Variants in MYBL1 observed in about 807,000 individuals in gnomAD.
MYBL1 encodes myb-related protein A.
In MYBL1, 17 loss-of-function variants were observed where a neutral mutation model predicts 96.3. That is an observed-to-expected ratio of 0.18 (90% CI 0.12 to 0.26). The LOEUF (loss-of-function observed/expected upper bound fraction) is 0.26. MYBL1 is among the 10% of genes least tolerant of loss of function. MYBL1 has a pLI of 1.00. For synonymous variants in MYBL1, 282 were observed against 292.7 expected, an observed-to-expected ratio of 0.96 and a Z score of 0.37; for missense variants, 701 against 882.9, an observed-to-expected ratio of 0.79 and a Z score of 2.61.
chr8:66,592,394 A>C (rs918138765), intron 8 of MYBL1, 46 bp downstream of exon 8: 2 of 1,238,932 alleles, frequency 1.6e-6, no homozygotes, highest in Non-Finnish European at 1.2e-6. Flanking sequence ...GACAAAAAGC[A>C]TATATGAAAG....
At chr8:66,576,958 CA>C (rs1808979555) in intron 9 of MYBL1, among the ~76,000 whole-genome samples, 1 of 152,164 alleles carries the variant, frequency 6.6e-6, no homozygotes, top group South Asian at 2.1e-4. Context: ...AGCATATAAA[CA>C]AAACCAAAGA....
rs920510250 is a variant in MYBL1 at position 66,562,817 on chromosome 8, A to G, written c.*1880T>C. On this transcript the variant is annotated 3_prime_UTR_variant, in exon 16 of 16. Coordinates refer to ENST00000522677, the MANE Select transcript of MYBL1 (RefSeq NM_001080416.4). ...GTTCATTAATTAGAAAGCAATCAAC[A>G]TACTTAAACATGCTAAGAGGATTCA... 2 of 152,098 alleles carry G rather than the reference A, an allele frequency of 1.3e-5. No homozygotes were observed. The highest frequency in any genetic ancestry group is 3.9e-4 in the East Asian group (2 of 5,168). 9.4% of individuals were successfully genotyped at this position (152,098 alleles called of 1,614,324 possible).
At position 66,573,393 on chromosome 8, in the gene MYBL1, T is replaced by G; in HGVS notation, c.1584A>C (p.Thr528=). ...CATTTTCCTTTTGATCTTTGGGAGT[T>G]GTTTCCTTATGAAGAGGAGTTGTAA... ...ALITTPLHKE[T]TPKDQKENVG... Residue 528 remains threonine, a synonymous_variant, in exon 11 of 16, where the codon ACA becomes ACC. Coordinates refer to ENST00000522677, the MANE Select transcript of MYBL1 (RefSeq NM_001080416.4). 1 of 1,610,740 alleles carries G rather than the reference T, an allele frequency of 6.2e-7. No individual in the cohort carries two copies. The highest frequency in any genetic ancestry group is 1.1e-5 in the South Asian group (1 of 90,012).
chr8:66,571,609 C>T (rs559795216), intron 12 of MYBL1, among the ~76,000 whole-genome samples: 88 of 152,282 alleles, frequency 5.8e-4, no homozygotes, highest in African/African-American at 2.0e-3. Context: ...CGACAGGGCG[C>T]AGTGGCTCAC....
intron 4 of MYBL1, among the ~76,000 whole-genome samples, chr8:66,597,983 T>G (rs1586591238): frequency 6.6e-6 from 1 of 151,878 alleles, no homozygotes; most frequent in African/African-American, 2.4e-5. Context: ...ACAGATTACA[T>G]ATTCTTTTTT....
chr8:66,593,641 C>G (rs919864373), intron 6 of MYBL1, among the ~76,000 whole-genome samples: 17 of 152,158 alleles, frequency 1.1e-4, no homozygotes, highest in African/African-American at 3.6e-4. Flanking sequence ...CTTTTATCAC[C>G]ACCCCATGCC....
chr8:66,608,796 C>T (rs1810419655), intron 1 of MYBL1, among the ~76,000 whole-genome samples: 1 of 152,054 alleles, frequency 6.6e-6, no homozygotes, highest in Non-Finnish European at 1.5e-5. Context: ...GTTAAATAAA[C>T]CATTCCTAGC....
At chr8:66,568,427 A>G (rs1347127184) in intron 12 of MYBL1, among the ~76,000 whole-genome samples, 1 of 151,652 alleles carries the variant, frequency 6.6e-6, no homozygotes, top group Non-Finnish European at 1.5e-5. Context: ...GCTGGGATCA[A>G]CCGAGTAGCT....
At chr8:66,606,789 G>GC (rs1554581462) in intron 1 of MYBL1, among the ~76,000 whole-genome samples, 2 of 144,842 alleles carry the variant, frequency 1.4e-5, no homozygotes, top group Non-Finnish European at 3.0e-5. Context: ...ATACATGGCT[G>GC]TTTTTTTTTT....
At chr8:66,580,492 T>C in intron 8 of MYBL1, 126 bp from the exon 9 acceptor site, 4 of 647,962 alleles carry the variant, frequency 6.2e-6, no homozygotes, top group Non-Finnish European at 1.0e-5. Flanking sequence ...TCAAAATTGG[T>C]ATACTTTTTT....
At chr8:66,579,914 A>C (rs1809131129) in intron 9 of MYBL1, among the ~76,000 whole-genome samples, 1 of 152,248 alleles carries the variant, frequency 6.6e-6, no homozygotes, top group East Asian at 1.9e-4. Flanking sequence ...TTATATAATA[A>C]AAAATGAATT....
chr8:66,576,883 T>G (rs1346217574), intron 9 of MYBL1, among the ~76,000 whole-genome samples: 4 of 152,222 alleles, frequency 2.6e-5, no homozygotes, highest in African/African-American at 9.6e-5. Context: ...TCCACCATGA[T>G]CAAGCAGGCT....
At chr8:66,578,746 C>G (rs1809075037) in intron 9 of MYBL1, among the ~76,000 whole-genome samples, 2 of 152,130 alleles carry the variant, frequency 1.3e-5, no homozygotes. Flanking sequence ...ACCCAAAGGA[C>G]TATAAATCAT....
intron 8 of MYBL1, among the ~76,000 whole-genome samples, chr8:66,591,001 G>T (rs879474401): frequency 6.6e-6 from 1 of 152,138 alleles, no homozygotes; most frequent in Non-Finnish European, 1.5e-5. Flanking sequence ...TACATTACAT[G>T]TACAGAAACA....
chr8:66,605,561 C>G (rs896469105), intron 1 of MYBL1, among the ~76,000 whole-genome samples: 16 of 152,170 alleles, frequency 1.1e-4, no homozygotes, highest in African/African-American at 3.9e-4. Context: ...TGGCTCCCAC[C>G]TGTAATCCCA....
chr8:66,601,838 AC>A (rs1344076346), intron 2 of MYBL1, 69 bp from the exon 3 acceptor site: 1 of 708,182 alleles, frequency 1.4e-6, no homozygotes, highest in Admixed American at 3.0e-5. Flanking sequence ...AATATAGATA[AC>A]TCTCCAATTC....
At chr8:66,609,655 G>C (rs1810453361) in intron 1 of MYBL1, among the ~76,000 whole-genome samples, 1 of 152,004 alleles carries the variant, frequency 6.6e-6, no homozygotes, top group African/African-American at 2.4e-5. Flanking sequence ...ATATTGAGGA[G>C]AGTTCTACCT....
chr8:66,572,670 T>A, intron 11 of MYBL1, 74 bp from the exon 12 acceptor site: 1 of 670,514 alleles, frequency 1.5e-6, no homozygotes, highest in Non-Finnish European at 2.4e-6. Context: ...CAAAGCAATT[T>A]AAGCACACGC....
chr8:66,573,753 C>T (rs1323799153), intron 10 of MYBL1, among the ~76,000 whole-genome samples: 4 of 151,702 alleles, frequency 2.6e-5, no homozygotes. Context: ...AAACATTTAA[C>T]AAATATTCAA....
Sources: gnomAD v4.1 joint callset for allele counts (sites outside exome capture counted in the v4.1 genomes callset) on GRCh38, gnomAD v4.1.1 for gene constraint, MANE v1.5 for transcripts, NCBI Gene and HGNC (gene_info 2026-07-23, HGNC 2026-07-21) for gene names.